Variants in RFX7 observed in about 807,000 individuals in gnomAD.
The protein encoded by RFX7 is regulatory factor X7, also known as DNA-binding protein RFX7.
RFX7 carries 26 observed loss-of-function variants against 111.8 expected under a neutral mutation model. That is an observed-to-expected ratio of 0.23 (90% CI 0.17 to 0.32). The LOEUF (loss-of-function observed/expected upper bound fraction) is 0.32, where lower values mean the gene tolerates loss of function less well. Ranked by LOEUF, RFX7 falls within the 10% of genes least tolerant of loss-of-function variation. The probability of loss-of-function intolerance (pLI) is 1.00; values close to 1 mark genes in which losing one functional copy is unlikely to be tolerated. For synonymous variants in RFX7, 624 were observed against 624.4 expected (o/e 1.00, Z 0.01); for missense variants, 1,573 against 1,772.9 (o/e 0.89, Z 2.02).
chr15:56,127,943 A>T (rs1302579856), intron 5 of RFX7, among the ~76,000 whole-genome samples: 3 of 152,134 alleles, frequency 2.0e-5, no homozygotes, highest in African/African-American at 7.2e-5. Flanking sequence ...ATGAATGAAA[A>T]CGGAGGTATT....
At chr15:56,192,105 A>G (rs193101395) in intron 2 of RFX7, among the ~76,000 whole-genome samples, 3 of 152,266 alleles carry the variant, frequency 2.0e-5, no homozygotes, top group African/African-American at 7.2e-5. Flanking sequence ...CAACAGTATA[A>G]CGCTTTTTAG....
intron 2 of RFX7, among the ~76,000 whole-genome samples, chr15:56,202,957 A>G (rs1047949259): frequency 1.3e-5 from 2 of 152,384 alleles, no homozygotes; most frequent in Middle Eastern, 3.4e-3. Context: ...ATCATGATAC[A>G]TGCAGATTAA....
chr15:56,172,277 T>G (rs945273401), intron 3 of RFX7, among the ~76,000 whole-genome samples: 1 of 152,148 alleles, frequency 6.6e-6, no homozygotes, highest in African/African-American at 2.4e-5. Flanking sequence ...TGAGACTAAT[T>G]CAATCAACAC....
chr15:56,156,551 TTGTGGCCTTG>T (rs1354772611), intron 3 of RFX7, among the ~76,000 whole-genome samples: 1 of 152,086 alleles, frequency 6.6e-6, no homozygotes, highest in Non-Finnish European at 1.5e-5. Context: ...TTTGTGACTC[TTGTGGCCTTG>T]TGTGAGAGTT....
At chr15:56,222,679 C>T (rs1484453617) in intron 2 of RFX7, among the ~76,000 whole-genome samples, 4 of 152,158 alleles carry the variant, frequency 2.6e-5, no homozygotes, top group Non-Finnish European at 5.9e-5. Context: ...TAGAGCTCTA[C>T]TTTGGCTGAT....
rs1365356712 is a variant in RFX7, at chr15:56,101,447, G to C, written c.723C>G (p.Val241=). 1 of 1,613,424 alleles carries C rather than the reference G, an allele frequency of 6.2e-7. No individual in the cohort carries two copies. The highest frequency in any genetic ancestry group is 1.3e-5 in the African/African-American group (1 of 74,860). Residue 241 remains valine, a synonymous_variant, in exon 8 of 10, where the codon GTC becomes GTG. Transcript: ENST00000559447. The stretch of plus-strand genomic sequence containing the variant: ...TTACAAGGAAGCGGGCTAATTCCAA[G>C]ACGGTGTCAAATGGTTGGCTTAACA... ...QKVLSQPFDT[V]LELARFLVKS...
chr15:56,096,217 T>C lies in RFX7; in HGVS notation c.1511A>G (p.Glu504Gly). The C allele has an allele frequency of 6.2e-7, 1 of 1,613,988 alleles. No homozygotes were observed. Among genetic ancestry groups the C allele is most frequent in the Non-Finnish European group, 8.5e-7 (1 of 1,179,880 alleles). Residue 504 changes from glutamate (E) to glycine (G), a missense_variant, in exon 10 of 10, where the codon GAA becomes GGA. Transcript: ENST00000559447. ...SVSSATGTTE[E>G]SRSVPQIKNG... ...CTTGATCTGTGGAACACTCCTTGAT[T>C]CTTCTGTTGTTCCTGTAGCACTGCT... is the stretch of plus-strand genomic sequence containing the variant.
rs375177046 is a variant in RFX7, at chr15:56,093,688, T to C, written c.4040A>G (p.Asn1347Ser). 5.8e-5 allele frequency: 93 copies of C among 1,613,934 alleles called. No individual in the cohort carries two copies. Among genetic ancestry groups the C allele is most frequent in the Middle Eastern group, 3.3e-4 (2 of 6,060 alleles). Residue 1347 changes from asparagine (N) to serine (S), a missense_variant, in exon 10 of 10, where the codon AAT becomes AGT. Asn to Ser is a conservative substitution (Grantham distance 46, BLOSUM62 1). Around this residue, in one of 7 missense-constraint regions of RFX7, gnomAD observed 411 missense variants for 478.1 expected, o/e 0.86. Coordinates refer to ENST00000559447, the MANE Select transcript of RFX7 (RefSeq NM_022841.7). ...SEIGEQQLDF[N>S]STVKDLLSGD... is the part of the protein sequence containing the mutation. ...ACTCAACAGGTCTTTAACAGTGCTA[T>C]TGAAATCTAATTGTTGCTCTCCAAT...
At chr15:56,113,972 A>G (rs2041972411) in intron 5 of RFX7, among the ~76,000 whole-genome samples, 1 of 152,258 alleles carries the variant, frequency 6.6e-6, no homozygotes, top group Admixed American at 6.5e-5. Context: ...TACAAGTAAT[A>G]TGGTCAAATA....
intron 5 of RFX7, among the ~76,000 whole-genome samples, chr15:56,109,786 G>A (rs2041886781): frequency 6.6e-6 from 1 of 151,348 alleles, no homozygotes; most frequent in Non-Finnish European, 1.5e-5. Flanking sequence ...CCCTGTCTGA[G>A]AAGTGAGGAG....
In RFX7 at chr15:56,213,641, C is replaced by G. The variant is rs138265177; in HGVS notation, c.161+29484G>C. 1.4e-4 allele frequency among the ~76,000 whole-genome samples: 22 copies of G among 152,182 alleles called. No individual in the cohort carries two copies. In the East Asian group the frequency reaches 4.1e-3, roughly 28 times the overall value. ...ATGTTTTGGTTGTGACAGTGTATGA[C>G]GCTACAGATTTGCAAGATGACACCA... On this transcript the variant is annotated intron_variant, in intron 2 of 9. Transcript: ENST00000559447.
At chr15:56,098,014 C>T (rs1198308990) in intron 9 of RFX7, 67 bp downstream of exon 9, 3 of 1,461,246 alleles carry the variant, frequency 2.1e-6, no homozygotes, top group Non-Finnish European at 2.8e-6. Flanking sequence ...TTTTCATCTG[C>T]CACTTTTAAG....
chr15:56,213,180 T>C (rs1372117220), intron 2 of RFX7, among the ~76,000 whole-genome samples: 1 of 152,204 alleles, frequency 6.6e-6, no homozygotes, highest in Non-Finnish European at 1.5e-5. Context: ...AGTACATTTG[T>C]ACATTTCTCC....
intron 2 of RFX7, among the ~76,000 whole-genome samples, chr15:56,228,760 G>C (rs2043514735): frequency 6.6e-6 from 1 of 152,098 alleles, no homozygotes; most frequent in Non-Finnish European, 1.5e-5. Flanking sequence ...TGAAAATAAA[G>C]TAGTCCCCCC....
intron 3 of RFX7, among the ~76,000 whole-genome samples, chr15:56,158,179 G>A (rs2042677155): frequency 6.6e-6 from 1 of 152,124 alleles, no homozygotes; most frequent in East Asian, 1.9e-4. Context: ...CAAGCAGTAA[G>A]CTATAGTGGG....
chr15:56,114,455 A>G (rs1380787589), intron 5 of RFX7, among the ~76,000 whole-genome samples: 2 of 151,670 alleles, frequency 1.3e-5, no homozygotes, highest in Non-Finnish European at 2.9e-5. Context: ...AAAACAACAG[A>G]AAAGGAAAAG....
At chr15:56,201,538 T>C (rs546669598) in intron 2 of RFX7, among the ~76,000 whole-genome samples, 3 of 152,298 alleles carry the variant, frequency 2.0e-5, no homozygotes, top group African/African-American at 7.2e-5. Flanking sequence ...AAAACTGATA[T>C]ATTTTTAAAG....
At chr15:56,123,758 A>G (rs1220584586) in intron 5 of RFX7, among the ~76,000 whole-genome samples, 1 of 152,090 alleles carries the variant, frequency 6.6e-6, no homozygotes, top group African/African-American at 2.4e-5. Flanking sequence ...CTGGGATGAG[A>G]GATTTCCTTT....
In RFX7 at chr15:56,091,423, T is replaced by C. The variant is rs1272387534; in HGVS notation, c.*1922A>G. The C allele has an allele frequency of 6.6e-6, 1 of 152,558 alleles. No individual in the cohort carries two copies. The highest frequency in any genetic ancestry group is 6.6e-5 in the Admixed American group (1 of 15,264). 9.5% of individuals were successfully genotyped at this position (152,558 alleles called of 1,614,324 possible). On this transcript the variant is annotated 3_prime_UTR_variant, in exon 10 of 10. Transcript: ENST00000559447. ...ACCAAATTTAAAGAGTTTGCTGCAA[T>C]ACTGTACAAGGGGTTAAAAATCCTC...
Sources: gnomAD v4.1 joint callset for allele counts (sites outside exome capture counted in the v4.1 genomes callset) on GRCh38, gnomAD v4.1.1 for gene constraint, gnomAD v4.1.1 regional missense constraint, MANE v1.5 for transcripts, NCBI Gene and HGNC (gene_info 2026-07-23, HGNC 2026-07-21) for gene names.